CCDC150: variants seen among roughly 807,000 people sequenced by gnomAD.
CCDC150 encodes the protein coiled-coil domain-containing protein 150.
CCDC150 carries 151 observed loss-of-function variants against 156.5 expected under a neutral mutation model. The observed-to-expected ratio is 0.97, with a 90% confidence interval of 0.85 to 1.10. CCDC150 has a LOEUF of 1.10. Ranked by LOEUF, CCDC150 falls within the 50% of genes least tolerant of loss-of-function variation. The probability of loss-of-function intolerance (pLI) is 0.00; values close to 1 mark genes in which losing one functional copy is unlikely to be tolerated. For synonymous variants in CCDC150, 452 were observed against 429.4 expected (o/e 1.05, Z -0.65); for missense variants, 1,312 against 1,268.1 (o/e 1.03, Z -0.53).
chr2:196,682,923 G>T (rs1376965323), intron 13 of CCDC150, among the ~76,000 whole-genome samples: 1 of 151,892 alleles, frequency 6.6e-6, no homozygotes, highest in Non-Finnish European at 1.5e-5. Flanking sequence ...TGCCTGGCTG[G>T]TCTCGAACTC....
intron 6 of CCDC150, 54 bp from the exon 7 acceptor site, chr2:196,666,665 G>T: frequency 6.7e-7 from 1 of 1,489,786 alleles, no homozygotes; most frequent in Non-Finnish European, 9.1e-7. Flanking sequence ...CTATAAGGCA[G>T]CTTATTTGAA....
intron 15 of CCDC150, among the ~76,000 whole-genome samples, chr2:196,705,551 T>C (rs759144455): frequency 2.6e-5 from 4 of 152,210 alleles, no homozygotes; most frequent in Non-Finnish European, 5.9e-5. Flanking sequence ...AGCTCTTTAG[T>C]TTAATTAGAT....
Position 196,721,547 on chromosome 2 carries a change from G to A in CCDC150, c.2285G>A (p.Gly762Asp), listed in dbSNP as rs200947131. The A allele has an allele frequency of 1.4e-4, 223 of 1,606,096 alleles. No homozygotes were observed. The East Asian group carries it at 4.5e-3, about 33-fold the overall frequency. Reference sequence around the variant, plus strand: ...ATTGAATCTCTACAAAAAGCTCTAGGTGTAGCTAGAGAAGACAACAGGAAA... The same window carrying A: ...ATTGAATCTCTACAAAAAGCTCTAGATGTAGCTAGAGAAGACAACAGGAAA... ...SEIESLQKAL[G>D]VAREDNRKLA... The change falls in exon 21 of 28, where the codon GGT becomes GAT. Residue 762 changes from glycine to aspartate, a missense_variant. Gly to Asp is a moderately conservative substitution (Grantham distance 94). Coordinates refer to ENST00000389175, the MANE Select transcript of CCDC150 (RefSeq NM_001080539.2).
intron 13 of CCDC150, among the ~76,000 whole-genome samples, chr2:196,688,335 T>C (rs1023601960): frequency 5.9e-5 from 9 of 152,218 alleles, no homozygotes; most frequent in African/African-American, 2.2e-4. Flanking sequence ...GCTGTATTCC[T>C]AGGTATTTTA....
At chr2:196,703,973 G>C (rs1696416155) in intron 15 of CCDC150, among the ~76,000 whole-genome samples, 1 of 152,140 alleles carries the variant, frequency 6.6e-6, no homozygotes, top group South Asian at 2.1e-4. Flanking sequence ...GTCAGGTCTT[G>C]GGCTGCCACA....
intron 13 of CCDC150, among the ~76,000 whole-genome samples, chr2:196,679,691 C>T (rs1460128817): frequency 6.6e-6 from 1 of 152,214 alleles, no homozygotes; most frequent in Non-Finnish European, 1.5e-5. Context: ...ACAAACTGCT[C>T]AGCTGTTTTT....
At chr2:196,720,235 G>A (rs1697800390) in intron 19 of CCDC150, 3 of 319,926 alleles carry the variant, frequency 9.4e-6, no homozygotes, top group African/African-American at 4.4e-5. Flanking sequence ...GAGAGAACAA[G>A]TGAGTTTTCT....
chr2:196,644,343 C>T (rs921957722), intron 1 of CCDC150, among the ~76,000 whole-genome samples: 2 of 152,150 alleles, frequency 1.3e-5, no homozygotes, highest in Admixed American at 1.3e-4. Context: ...AGTAGCTGGA[C>T]AGCAGGTGAC....
rs1380568919 is a variant in CCDC150, at chr2:196,657,097, A to G, written c.537A>G (p.Gln179=). ...AAGACAAGGCACAAGATGAGGTGCA[A>G]AGGTTGACTGCCACTCTGAAGATTG... is the stretch of plus-strand genomic sequence containing the variant. ...EEEDKAQDEV[Q]RLTATLKIAS... is the part of the protein sequence containing the mutation. Residue 179 remains glutamine, a synonymous_variant, in exon 4 of 28, where the codon CAA becomes CAG. Coordinates refer to ENST00000389175, the MANE Select transcript of CCDC150 (RefSeq NM_001080539.2). The G allele has an allele frequency of 1.2e-6, 2 of 1,613,844 alleles. No individual in the cohort carries two copies. The highest frequency in any genetic ancestry group is 1.7e-6 in the Non-Finnish European group (2 of 1,179,754).
At chr2:196,704,164 T>C (rs943488632) in intron 15 of CCDC150, among the ~76,000 whole-genome samples, 15 of 152,358 alleles carry the variant, frequency 9.8e-5, no homozygotes, top group African/African-American at 3.6e-4. Context: ...GGTAAAAGAC[T>C]ACATTTTCAG....
Position 196,726,025 on chromosome 2 carries a change from A to G in CCDC150, c.2482A>G (p.Ile828Val), listed in dbSNP as rs1277834480. The change falls in exon 22 of 28, where the codon ATA (isoleucine) becomes GTA (valine). Residue 828 changes from isoleucine to valine, a missense_variant. Ile to Val is a conservative substitution (Grantham distance 29, BLOSUM62 3). Transcript: ENST00000389175. Reference sequence around the variant, plus strand: ...GGAAGCAGAATTGCATGCTGAACGCATAGAAGCTCTAAGAAAGCAGTTTCA... The same window carrying G: ...GGAAGCAGAATTGCATGCTGAACGCGTAGAAGCTCTAAGAAAGCAGTTTCA... ...KVEAELHAER[I>V]EALRKQFQTE... The G allele has an allele frequency of 3.1e-6, 5 of 1,609,738 alleles. No homozygotes were observed. The highest frequency in any genetic ancestry group is 1.7e-6 in the Non-Finnish European group (2 of 1,177,948).
In CCDC150 at chr2:196,729,533, T is replaced by C. The variant is rs34450329; in HGVS notation, c.2751+146T>C. On this transcript the variant is annotated intron_variant, in intron 23 of 27. Coordinates refer to ENST00000389175, the MANE Select transcript of CCDC150 (RefSeq NM_001080539.2). ...GCCAGTTGTCTTTGGGGAGACTTTT[T>C]CAGTGGAGTCACTGCTGTGTAAATG... is the stretch of plus-strand genomic sequence containing the variant. 4.0e-6 allele frequency: 3 copies of C among 756,788 alleles called. No homozygotes were observed. The African/African-American group carries it at 5.3e-5, about 13-fold the overall frequency. The allele number at this position is 756,788 out of a possible 1,614,324, so 46.9% of individuals were successfully genotyped here.
intron 24 of CCDC150, 30 bp from the exon 25 acceptor site, chr2:196,729,927 C>T: frequency 6.2e-7 from 1 of 1,608,514 alleles, no homozygotes; most frequent in Non-Finnish European, 8.5e-7. Flanking sequence ...AGGGTGTTCA[C>T]CAAATGTCTC....
intron 13 of CCDC150, among the ~76,000 whole-genome samples, chr2:196,692,990 G>C (rs1695588160): frequency 6.6e-6 from 1 of 152,128 alleles, no homozygotes. Context: ...TTGTGAATCT[G>C]GGTGCTCCTG....
Position 196,640,962 on chromosome 2 carries a change from G to A in CCDC150, c.12+1184G>A, listed in dbSNP as rs1421869777. ...CTTCTACAATGGCCTTCAAGGCTCT[G>A]TGTATTCTGTTTTTTGTTTTTTTGA... On this transcript the variant is annotated intron_variant, in intron 1 of 27. Coordinates refer to ENST00000389175, the MANE Select transcript of CCDC150 (RefSeq NM_001080539.2). Among the ~76,000 whole-genome samples, 34 of 130,608 alleles carry A rather than the reference G, an allele frequency of 2.6e-4. No individual in the cohort carries two copies. The Admixed American group carries it at 3.0e-3, about 11-fold the overall frequency. 85.7% of individuals were successfully genotyped at this position (130,608 alleles called of 152,430 possible). A position where few individuals can be genotyped will look rare whatever the true frequency, so the allele number is the denominator to read the frequency against.
intron 7 of CCDC150, chr2:196,667,222 G>A (rs901720016): frequency 4.0e-6 from 1 of 247,840 alleles, no homozygotes; most frequent in Non-Finnish European, 7.9e-6. Flanking sequence ...ATGACTTATG[G>A]ATTCTGTCAG....
At chr2:196,679,005 G>A (rs75293227) in intron 13 of CCDC150, among the ~76,000 whole-genome samples, 3,979 of 152,290 alleles carry the variant, frequency 0.026, 182 homozygotes, top group African/African-American at 0.09. Flanking sequence ...TCGTCTTAAT[G>A]TAGACTAAGT....
chr2:196,682,644 A>G (rs1694908059), intron 13 of CCDC150, among the ~76,000 whole-genome samples: 1 of 152,078 alleles, frequency 6.6e-6, no homozygotes, highest in Non-Finnish European at 1.5e-5. Flanking sequence ...CTTAGGTTTC[A>G]ATTTCAAGTG....
At chr2:196,700,365 T>C (rs1006027366) in intron 14 of CCDC150, among the ~76,000 whole-genome samples, 1 of 152,224 alleles carries the variant, frequency 6.6e-6, no homozygotes, top group Non-Finnish European at 1.5e-5. Flanking sequence ...TATTAAGATA[T>C]AACACTGGCA....
Sources: gnomAD v4.1 joint callset for allele counts (sites outside exome capture counted in the v4.1 genomes callset) on GRCh38, gnomAD v4.1.1 for gene constraint, MANE v1.5 for transcripts, NCBI Gene and HGNC (gene_info 2026-07-23, HGNC 2026-07-21) for gene names.